The following NSD2 variants were observed in gnomAD, a reference collection of about 807,000 sequenced individuals.
NSD2 encodes nuclear receptor binding SET domain protein 2.
A neutral mutation model predicts 139.0 loss-of-function variants in NSD2; 12 were observed. The observed-to-expected ratio is 0.09, with a 90% CI of 0.06 to 0.14. The LOEUF (loss-of-function observed/expected upper bound fraction) is 0.14, where lower values mean the gene tolerates loss of function less well. Ranked by LOEUF, NSD2 falls within the 10% of genes least tolerant of loss-of-function variation. The pLI is 1.00. For synonymous variants in NSD2, 669 were observed against 648.7 expected (o/e 1.03, Z -0.48); for missense variants, 1,155 against 1,745.0 (o/e 0.66, Z 6.02).
chr4:1,937,157 T>G (rs1333680104), intron 7 of NSD2, among the ~76,000 whole-genome samples: 1 of 152,130 alleles, frequency 6.6e-6, no homozygotes, highest in Non-Finnish European at 1.5e-5. Context: ...ATTCAAGTGA[T>G]TCTCCTGCCT....
intron 1 of NSD2, among the ~76,000 whole-genome samples, chr4:1,879,680 T>A (rs1239243902): frequency 6.6e-6 from 1 of 152,144 alleles, no homozygotes; most frequent in Non-Finnish European, 1.5e-5. Context: ...CCCTGTCCCA[T>A]GGATCTTTGC....
At chr4:1,913,459 C>T (rs968743768) in intron 3 of NSD2, among the ~76,000 whole-genome samples, 9 of 152,142 alleles carry the variant, frequency 5.9e-5, no homozygotes, top group Non-Finnish European at 7.4e-5. Flanking sequence ...TGTGCTTCAG[C>T]GGTCACGCTC....
rs1231144930 is a variant in NSD2 at position 1,976,933 on chromosome 4, C to T, written c.3826+254C>T. ...CTGGAACCTCCAGGAGGGATTCAGG[C>T]AGCCCAAGGCCCAGCTGCAGAATTG... On this transcript the variant is annotated intron_variant, in intron 21 of 21. Coordinates refer to ENST00000508803, the MANE Select transcript of NSD2 (RefSeq NM_001042424.3). This position sits in a 1 kb window ranked among gnomAD's most constrained non-coding sequence, Gnocchi z 5.3. 6.6e-6 allele frequency among the ~76,000 whole-genome samples: 1 copy of T among 152,262 alleles called. No individual in the cohort carries two copies. Among genetic ancestry groups the T allele is most frequent in the African/African-American group, 2.4e-5 (1 of 41,468 alleles).
At chr4:1,910,450 A>G (rs1718520006) in intron 3 of NSD2, among the ~76,000 whole-genome samples, 1 of 152,126 alleles carries the variant, frequency 6.6e-6, no homozygotes, top group South Asian at 2.1e-4. Context: ...GTCAAGGCTC[A>G]ACCTTTTAAG....
At chr4:1,941,618 T>C (rs1306148367) in intron 9 of NSD2, 1 of 1,034,572 alleles carries the variant, frequency 9.7e-7, no homozygotes, top group African/African-American at 1.7e-5. Context: ...ACATTAAATA[T>C]GTGAAATTAA....
At position 1,900,831 on chromosome 4, in the gene NSD2, G is replaced by A. The variant is rs1717058258; in HGVS notation, c.177G>A (p.Glu59=). The change falls in exon 2 of 22, where the codon GAG becomes GAA. Residue 59 remains glutamate (E), a synonymous_variant. Transcript: ENST00000508803. ...SKAQLSSSLQ[E]GVMQKFNGHD... ...CCCAGCTCTCCAGTAGCCTGCAGGAGGGGGTCATGCAGAAGTTTAACGGCC... is the reference window on the plus strand; with the variant it reads ...CCCAGCTCTCCAGTAGCCTGCAGGAAGGGGTCATGCAGAAGTTTAACGGCC... 1 of 1,613,980 alleles carries A rather than the reference G, an allele frequency of 6.2e-7. No homozygotes were observed. Among genetic ancestry groups the A allele is most frequent in the Non-Finnish European group, 8.5e-7 (1 of 1,179,954 alleles).
chr4:1,935,492 G>T (rs1577485416), intron 7 of NSD2, among the ~76,000 whole-genome samples: 2 of 152,334 alleles, frequency 1.3e-5, no homozygotes, highest in African/African-American at 4.8e-5. Context: ...ATGGTGTGTT[G>T]CTCTGCAAGA....
rs965788333 is a variant in NSD2 at position 1,978,799 on chromosome 4, G to A, written c.3988G>A (p.Ala1330Thr). 1.6e-5 allele frequency: 25 copies of A among 1,612,696 alleles called. No homozygotes were observed. The highest frequency in any genetic ancestry group is 2.2e-5 in the South Asian group (2 of 90,970). Residue 1330 changes from alanine to threonine, a missense_variant, in exon 22 of 22, where the codon GCG becomes ACG. Ala to Thr is a moderately conservative substitution (Grantham distance 58, BLOSUM62 0). Around this residue, in one of 8 missense-constraint regions of NSD2, gnomAD observed 132 missense variants for 94.3 expected, o/e 1.40. Coordinates refer to ENST00000508803, the MANE Select transcript of NSD2 (RefSeq NM_001042424.3). ...CTACTGCTGTGAGCATGACTTAGGG[G>A]CGGCATCGGTCAGAAGCACCAAGAC... ...RSYCCEHDLGAASVRSTKTEK... is the reference protein window; with the variant it reads ...RSYCCEHDLGTASVRSTKTEK...
intron 1 of NSD2, 31 bp downstream of exon 1, chr4:1,871,573 G>C (rs943746810): frequency 1.3e-5 from 2 of 151,108 alleles, no homozygotes; most frequent in Non-Finnish European, 3.0e-5. Flanking sequence ...ACAGTCGCGG[G>C]CCGCCAACCG....
chr4:1,957,018 AG>A (rs1301025283), intron 15 of NSD2, among the ~76,000 whole-genome samples: 1 of 152,142 alleles, frequency 6.6e-6, no homozygotes, highest in East Asian at 1.9e-4. Flanking sequence ...CGAAATTGAG[AG>A]GTGGACTTAT....
intron 1 of NSD2, among the ~76,000 whole-genome samples, chr4:1,884,072 A>C (rs1714901417): frequency 6.6e-6 from 1 of 152,204 alleles, no homozygotes; most frequent in Non-Finnish European, 1.5e-5. Flanking sequence ...AGAAAGTTGC[A>C]GATATAAAAA....
At chr4:1,926,968 C>T (rs572442971) in intron 5 of NSD2, among the ~76,000 whole-genome samples, 3 of 152,156 alleles carry the variant, frequency 2.0e-5, no homozygotes, top group Non-Finnish European at 4.4e-5. Flanking sequence ...TTCTGTGGGC[C>T]AGGAATTTGG....
chr4:1,903,282 T>G (rs916455179), intron 2 of NSD2, among the ~76,000 whole-genome samples: 3 of 152,252 alleles, frequency 2.0e-5, no homozygotes, highest in Admixed American at 6.5e-5. Flanking sequence ...CCATGCTGGC[T>G]GTGCTTATTT....
In NSD2 at chr4:1,938,538, G is replaced by T; in HGVS notation, c.1756+6G>T. On this transcript the variant is annotated splice_donor_region_variant and intron_variant, in intron 8 of 21. Coordinates refer to ENST00000508803, the MANE Select transcript of NSD2 (RefSeq NM_001042424.3). ...CTCGCTCAAGAGCCAGGCAGGTAATGTGGTCAGCGCCCTTTCCTTCTTGGC... is the reference window on the plus strand; with the variant it reads ...CTCGCTCAAGAGCCAGGCAGGTAATTTGGTCAGCGCCCTTTCCTTCTTGGC... The T allele has an allele frequency of 6.3e-7, 1 of 1,587,162 alleles. No individual in the cohort carries two copies. Among genetic ancestry groups the T allele is most frequent in the South Asian group, 1.1e-5 (1 of 90,154 alleles).
chr4:1,976,405 GCTCTT>G lies in NSD2; in HGVS notation c.3622-67_3622-63del. On this transcript the variant is annotated intron_variant, in intron 20 of 21. Transcript: ENST00000508803. The surrounding 1 kb of genome is among the most constrained non-coding windows in gnomAD (Gnocchi z 5.3). ...CTCTGAAGTTCCTGGAGTGTAGCTC[GCTCTT>G]CTGCCCTATTTGCTTCAGCCTGTGT... 3.9e-6 allele frequency: 6 copies of G among 1,525,236 alleles called. No individual in the cohort carries two copies. The highest frequency in any genetic ancestry group is 5.4e-6 in the Non-Finnish European group (6 of 1,120,738). 94.5% of individuals were successfully genotyped at this position (1,525,236 alleles called of 1,614,324 possible).
At chr4:1,964,807 G>A (rs2108989015) in intron 18 of NSD2, among the ~76,000 whole-genome samples, 1 of 152,078 alleles carries the variant, frequency 6.6e-6, no homozygotes, top group African/African-American at 2.4e-5. Flanking sequence ...CAACTATGGG[G>A]AAAATAAGAA....
intron 9 of NSD2, among the ~76,000 whole-genome samples, chr4:1,950,751 C>G (rs149373250): frequency 1.3e-5 from 2 of 152,346 alleles, no homozygotes; most frequent in African/African-American, 2.4e-5. Context: ...AAAAGCCTGT[C>G]TTAGTTCACC....
intron 12 of NSD2, 126 bp downstream of exon 12, chr4:1,953,650 C>T: frequency 1.6e-6 from 2 of 1,230,266 alleles, no homozygotes; most frequent in East Asian, 4.8e-5. Flanking sequence ...GAGTGACTAA[C>T]TGGACATCGG....
At chr4:1,923,864 T>C (rs1276054779) in intron 5 of NSD2, among the ~76,000 whole-genome samples, 8 of 152,152 alleles carry the variant, frequency 5.3e-5, no homozygotes, top group Admixed American at 5.2e-4. Flanking sequence ...CAGAAACAAA[T>C]TGCTGAAGGG....
Sources: allele counts gnomAD v4.1 joint callset (sites outside exome capture counted in the v4.1 genomes callset), GRCh38; gene constraint gnomAD v4.1.1; regional missense constraint gnomAD v4.1.1; non-coding constraint Gnocchi (gnomAD v3.1); transcripts MANE v1.5; gene names NCBI Gene and HGNC (gene_info 2026-07-23, HGNC 2026-07-21).